Variants in RSL24D1 observed in about 807,000 individuals in gnomAD.
RSL24D1 encodes the protein probable ribosome biogenesis protein RLP24.
A neutral mutation model predicts 26.2 loss-of-function variants in RSL24D1; 6 were observed. That is an observed-to-expected ratio of 0.23 (90% CI 0.13 to 0.45). The LOEUF (loss-of-function observed/expected upper bound fraction) is 0.45. Ranked by LOEUF, RSL24D1 falls within the 20% of genes least tolerant of loss-of-function variation. RSL24D1 has a pLI of 0.99. For missense variants in RSL24D1, 176 were observed against 202.6 expected (o/e 0.87, Z 0.80); for synonymous variants, 61 against 59.1 (o/e 1.03, Z -0.15).
At chr15:55,194,099 T>C (rs944248492) in intron 1 of RSL24D1, 3 of 152,164 alleles carry the variant, frequency 2.0e-5, no homozygotes, top group African/African-American at 7.2e-5. Flanking sequence ...CTCCTCTCAA[T>C]TCCAAATAGA....
At chr15:55,191,166 C>G (rs1019888659) in intron 2 of RSL24D1, 119 bp from the exon 3 acceptor site, 12 of 655,276 alleles carry the variant, frequency 1.8e-5, no homozygotes, top group Non-Finnish European at 2.5e-5. Context: ...AGATTCACCC[C>G]TCAGGGTATC....
chr15:55,181,841 T>C lies in RSL24D1; in HGVS notation c.*311A>G. 4.4e-6 allele frequency: 1 copy of C among 225,036 alleles called. No individual in the cohort carries two copies. The highest frequency in any genetic ancestry group is 8.6e-6 in the Non-Finnish European group (1 of 115,926). 13.9% of individuals were successfully genotyped at this position (225,036 alleles called of 1,614,324 possible). ...CATCACTAGCCATGAATTTTTGCCA[T>C]TAGTTACTATACAAATGCTGCCTAG... On this transcript the variant is annotated 3_prime_UTR_variant, in exon 6 of 6. Coordinates refer to ENST00000260443, the MANE Select transcript of RSL24D1 (RefSeq NM_016304.3).
At position 55,191,343 on chromosome 15, in the gene RSL24D1, A is replaced by C. The variant is rs560134844; in HGVS notation, c.196-296T>G. ...GGATTACAAACTGAAAAACCTTCCC[A>C]ATGTCCCATTCCCAGATAAGATTCA... On this transcript the variant is annotated intron_variant, in intron 2 of 5. Transcript: ENST00000260443. 2.0e-5 allele frequency among the ~76,000 whole-genome samples: 3 copies of C among 152,314 alleles called. No homozygotes were observed. The South Asian group carries it at 6.2e-4, about 32-fold the overall frequency.
intron 3 of RSL24D1, among the ~76,000 whole-genome samples, chr15:55,189,235 A>G (rs984626327): frequency 6.6e-6 from 1 of 151,982 alleles, no homozygotes; most frequent in Non-Finnish European, 1.5e-5. Context: ...GGACTTTCCA[A>G]TAATGTCCTT....
chr15:55,185,212 G>T (rs948639609), intron 4 of RSL24D1, 150 bp downstream of exon 4: 3 of 515,564 alleles, frequency 5.8e-6, no homozygotes, highest in Admixed American at 4.0e-5. Context: ...AATGCTAGCA[G>T]AATATACAAG....
chr15:55,183,449 T>TA, intron 4 of RSL24D1, 49 bp from the exon 5 acceptor site: 1 of 1,337,116 alleles, frequency 7.5e-7, no homozygotes, highest in Non-Finnish European at 1.1e-6. Context: ...AACACTGCTT[T>TA]AAGAGGCATC....
chr15:55,185,370 T>A lies in RSL24D1; in HGVS notation c.324A>T (p.Ile108=). ...CATACAAATATTCATACCTGTTCAT[T>A]ATAAATTTAGCTTGGCGCTTCTGTT... ...EIKQKRQAKF[I]MNRLKKNKEL... Residue 108 remains isoleucine, a synonymous_variant, in exon 4 of 6, where the codon ATA becomes ATT. Coordinates refer to ENST00000260443, the MANE Select transcript of RSL24D1 (RefSeq NM_016304.3). 1 of 1,607,754 alleles carries A rather than the reference T, an allele frequency of 6.2e-7. No individual in the cohort carries two copies. Among genetic ancestry groups the A allele is most frequent in the South Asian group, 1.1e-5 (1 of 89,716 alleles).
chr15:55,190,131 C>T (rs1322385005), intron 3 of RSL24D1, among the ~76,000 whole-genome samples: 1 of 151,770 alleles, frequency 6.6e-6, no homozygotes, highest in Non-Finnish European at 1.5e-5. Context: ...GCCTGTAATC[C>T]CAGCTACCTG....
At chr15:55,190,775 T>C (rs959416279) in intron 3 of RSL24D1, among the ~76,000 whole-genome samples, 200 bp downstream of exon 3, 7 of 151,900 alleles carry the variant, frequency 4.6e-5, no homozygotes, top group East Asian at 3.9e-4. Flanking sequence ...TATTTTAAAA[T>C]GAACACACCA....
chr15:55,188,135 CTT>C (rs1283324312), intron 3 of RSL24D1, among the ~76,000 whole-genome samples: 2 of 152,170 alleles, frequency 1.3e-5, no homozygotes, highest in African/African-American at 4.8e-5. Flanking sequence ...ATATACAACT[CTT>C]GTCAATAGAT....
intron 1 of RSL24D1, among the ~76,000 whole-genome samples, chr15:55,193,944 AAATG>A (rs1252445741): frequency 4.6e-5 from 7 of 152,232 alleles, no homozygotes; most frequent in Non-Finnish European, 8.8e-5. Context: ...AATCATTGTG[AAATG>A]AATTATATTT....
chr15:55,186,663 G>C (rs1250669554), intron 3 of RSL24D1, among the ~76,000 whole-genome samples: 1 of 152,132 alleles, frequency 6.6e-6, no homozygotes, highest in Non-Finnish European at 1.5e-5. Flanking sequence ...AAAGAGACAT[G>C]ACATGTACTA....
intron 3 of RSL24D1, among the ~76,000 whole-genome samples, chr15:55,188,178 G>A (rs534596680): frequency 4.6e-5 from 7 of 152,282 alleles, no homozygotes; most frequent in South Asian, 2.1e-4. Context: ...ACTGAAATAC[G>A]AGGGGTGTGG....
Position 55,196,907 on chromosome 15 carries a change from A to T in RSL24D1, c.-17T>A. Reference sequence around the variant, plus strand: ...GATACGCATGTTGAACCCGCGTGTAACCCCACCAAACAAACGCCAAGCTTG... The same window carrying T: ...GATACGCATGTTGAACCCGCGTGTATCCCCACCAAACAAACGCCAAGCTTG... On this transcript the variant is annotated 5_prime_UTR_variant, in exon 1 of 6. Coordinates refer to ENST00000260443, the MANE Select transcript of RSL24D1 (RefSeq NM_016304.3). The T allele has an allele frequency of 1.2e-6, 2 of 1,612,352 alleles. No homozygotes were observed. Among genetic ancestry groups the T allele is most frequent in the Non-Finnish European group, 1.7e-6 (2 of 1,178,560 alleles).
intron 1 of RSL24D1, chr15:55,194,214 A>T (rs1252981813): frequency 6.6e-6 from 1 of 152,200 alleles, no homozygotes; most frequent in Non-Finnish European, 1.5e-5. Context: ...AAGGGGATTC[A>T]ATCAGTAAAT....
At position 55,192,685 on chromosome 15, in the gene RSL24D1, G is replaced by A. The variant is rs200254994; in HGVS notation, c.195+35C>T. On this transcript the variant is annotated intron_variant, in intron 2 of 5. Transcript: ENST00000260443. Reference sequence around the variant, plus strand: ...CCTTCAAATACTAAAACTGTGAAACGTGTAAAAACTATATTGATAGCTAAC... The same window carrying A: ...CCTTCAAATACTAAAACTGTGAAACATGTAAAAACTATATTGATAGCTAAC... 8.2e-5 allele frequency: 118 copies of A among 1,440,956 alleles called. No homozygotes were observed. In the East Asian group the frequency reaches 2.2e-3, roughly 27 times the overall value. 89.3% of individuals were successfully genotyped at this position (1,440,956 alleles called of 1,614,324 possible).
intron 4 of RSL24D1, 130 bp from the exon 5 acceptor site, chr15:55,183,530 C>A (rs149567123): frequency 1.5e-6 from 1 of 652,600 alleles, no homozygotes; most frequent in African/African-American, 1.8e-5. Flanking sequence ...AACATGATGG[C>A]TGCCCTTCTG....
In RSL24D1 at chr15:55,182,064, C is replaced by A; in HGVS notation, c.*88G>T. On this transcript the variant is annotated 3_prime_UTR_variant, in exon 6 of 6. Transcript: ENST00000260443. ...TTTTAATCGCTTTTCATTTAAGTGA[C>A]CTTATGTAAAAAATAAAATAATTTA... 2 of 766,724 alleles carry A rather than the reference C, an allele frequency of 2.6e-6. No individual in the cohort carries two copies. Among genetic ancestry groups the A allele is most frequent in the Non-Finnish European group, 4.5e-6 (2 of 446,154 alleles). 47.5% of individuals were successfully genotyped at this position (766,724 alleles called of 1,614,324 possible). A position where few individuals can be genotyped will look rare whatever the true frequency, so the allele number is the denominator to read the frequency against.
At chr15:55,184,769 T>C (rs1894206164) in intron 4 of RSL24D1, among the ~76,000 whole-genome samples, 1 of 152,182 alleles carries the variant, frequency 6.6e-6, no homozygotes, top group South Asian at 2.1e-4. Flanking sequence ...TGCTTCCCGA[T>C]ATGATGCATG....
Sources: allele counts gnomAD v4.1 joint callset (sites outside exome capture counted in the v4.1 genomes callset), GRCh38; gene constraint gnomAD v4.1.1; transcripts MANE v1.5; gene names NCBI Gene and HGNC (gene_info 2026-07-23, HGNC 2026-07-21).